KANSL1L: variants seen among roughly 807,000 people sequenced by gnomAD.
The protein encoded by KANSL1L is KAT8 regulatory NSL complex subunit 1 like, also known as KAT8 regulatory NSL complex subunit 1-like protein.
KANSL1L carries 25 observed loss-of-function variants against 108.6 expected under a neutral mutation model. The observed-to-expected ratio is 0.23, with a 90% CI of 0.17 to 0.32. The LOEUF is 0.32. Among genes scored for constraint, KANSL1L ranks in the 10% least tolerant of loss-of-function variants. KANSL1L has a pLI of 1.00. For synonymous variants in KANSL1L, 405 were observed against 395.1 expected, an observed-to-expected ratio of 1.03 and a Z score of -0.30; for missense variants, 1,137 against 1,125.7, an observed-to-expected ratio of 1.01 and a Z score of -0.14.
intron 3 of KANSL1L, among the ~76,000 whole-genome samples, chr2:210,119,917 C>A (rs2094997993): frequency 6.6e-6 from 1 of 152,070 alleles, no homozygotes; most frequent in Non-Finnish European, 1.5e-5. Context: ...TCAGGCTACC[C>A]AACTTCAAAC....
rs538153498 is a variant in KANSL1L at position 210,040,673 on chromosome 2, C to T, written c.1922-146G>A. ...CAAAAGTTTGAGATGTAACAACTAT[C>T]GGAAGTGACAAAATACTCTTTCCAA... is the stretch of plus-strand genomic sequence containing the variant. On this transcript the variant is annotated intron_variant, in intron 7 of 14. Coordinates refer to ENST00000281772, the MANE Select transcript of KANSL1L (RefSeq NM_152519.4). The T allele has an allele frequency of 3.1e-4, 147 of 478,694 alleles. 1 individual carries two copies. Among genetic ancestry groups the T allele is most frequent in the South Asian group, 3.0e-3 (64 of 21,302 alleles). 29.7% of individuals were successfully genotyped at this position (478,694 alleles called of 1,614,324 possible). A position where few individuals can be genotyped will look rare whatever the true frequency, so the allele number is the denominator to read the frequency against.
In KANSL1L at chr2:210,022,896, T is replaced by C; in HGVS notation, c.*53A>G. ...GGGATGGGGGATCCAGAACAGGGCT[T>C]TATTTCCTCCCATCTTTCCTACATT... On this transcript the variant is annotated 3_prime_UTR_variant, in exon 15 of 15. Coordinates refer to ENST00000281772, the MANE Select transcript of KANSL1L (RefSeq NM_152519.4). 7.8e-7 allele frequency: 1 copy of C among 1,279,992 alleles called. No individual in the cohort carries two copies. 79.3% of individuals were successfully genotyped at this position (1,279,992 alleles called of 1,614,324 possible).
chr2:210,079,290 A>G (rs2094564090), intron 5 of KANSL1L, among the ~76,000 whole-genome samples: 1 of 152,094 alleles, frequency 6.6e-6, no homozygotes, highest in Admixed American at 6.6e-5. Flanking sequence ...ATTGTTGTAG[A>G]ATAATTATCA....
intron 8 of KANSL1L, among the ~76,000 whole-genome samples, chr2:210,033,342 G>C (rs1166892672): frequency 6.6e-6 from 1 of 152,210 alleles, no homozygotes; most frequent in African/African-American, 2.4e-5. Flanking sequence ...CTAGAATTGT[G>C]AGAGGTGGAT....
At chr2:210,106,514 A>G (rs1227306072) in intron 3 of KANSL1L, among the ~76,000 whole-genome samples, 3 of 151,932 alleles carry the variant, frequency 2.0e-5, no homozygotes, top group African/African-American at 7.3e-5. Flanking sequence ...TACGCCTGTA[A>G]TCCTAGCACT....
chr2:210,133,802 C>T (rs2095149103), intron 2 of KANSL1L, among the ~76,000 whole-genome samples: 1 of 152,080 alleles, frequency 6.6e-6, no homozygotes, highest in South Asian at 2.1e-4. Context: ...CTTCTTCATC[C>T]ACGAGTTATT....
At chr2:210,095,411 C>G (rs1454131399) in intron 5 of KANSL1L, among the ~76,000 whole-genome samples, 4 of 152,064 alleles carry the variant, frequency 2.6e-5, no homozygotes, top group African/African-American at 9.7e-5. Context: ...TTGCCAAAGT[C>G]TCAACACATT....
Position 210,036,960 on chromosome 2 carries a change from T to C in KANSL1L, c.2029+3460A>G, listed in dbSNP as rs551990781. 8.6e-5 allele frequency among the ~76,000 whole-genome samples: 13 copies of C among 151,714 alleles called. No homozygotes were observed. The South Asian group carries it at 2.7e-3, about 32-fold the overall frequency. On this transcript the variant is annotated intron_variant, in intron 8 of 14. Transcript: ENST00000281772. The stretch of plus-strand genomic sequence containing the variant: ...TTTGTAGAGATGGGGTTTCACTATA[T>C]TTCCCAGGCTGGTCTTGAACTCTGG...
In KANSL1L at chr2:210,024,144, G is replaced by C; in HGVS notation, c.2622C>G (p.Asn874Lys). 6.2e-7 allele frequency: 1 copy of C among 1,610,022 alleles called. No individual in the cohort carries two copies. The highest frequency in any genetic ancestry group is 1.1e-5 in the South Asian group (1 of 90,462). ...QDLLLKEYPN[N>K]FSSSQQCAAA... is the part of the protein sequence containing the mutation. ...CAGCACATTGCTGACTGCTACTGAA[G>C]TTATTAGGGTATTCTTTCAAAAGCA... The change falls in exon 14 of 15, where the codon AAC becomes AAG. Residue 874 changes from asparagine to lysine, a missense_variant. Asn to Lys is a moderately conservative substitution (Grantham distance 94). Coordinates refer to ENST00000281772, the MANE Select transcript of KANSL1L (RefSeq NM_152519.4).
intron 6 of KANSL1L, among the ~76,000 whole-genome samples, chr2:210,068,801 T>A (rs1401147595): frequency 6.6e-6 from 1 of 152,202 alleles, no homozygotes; most frequent in East Asian, 1.9e-4. Flanking sequence ...AGGGAATCCA[T>A]GTCATTAAGA....
chr2:210,119,715 C>A (rs111372903), intron 3 of KANSL1L, among the ~76,000 whole-genome samples: 1 of 152,092 alleles, frequency 6.6e-6, no homozygotes, highest in Admixed American at 6.5e-5. Flanking sequence ...ATATGATAGA[C>A]CCACAGCTAG....
rs754635658 is a variant in KANSL1L, at chr2:210,075,733, A to G, written c.1574T>C (p.Leu525Pro). 6.2e-7 allele frequency: 1 copy of G among 1,613,890 alleles called. No individual in the cohort carries two copies. Among genetic ancestry groups the G allele is most frequent in the East Asian group, 2.2e-5 (1 of 44,870 alleles). ...YRSASENLDE[L>P]SSSSSWLLNQ... ...AAGTAACCAGCTACTGGAGGAAGAC[A>G]GCTCATCTAAATTCTCTGATGCACT... Residue 525 changes from leucine to proline, a missense_variant, in exon 6 of 15, where the codon CTG becomes CCG. Leu to Pro is a moderately conservative substitution (Grantham distance 98). Around this residue, in one of 3 missense-constraint regions of KANSL1L, gnomAD observed 575 missense variants for 567.1 expected, o/e 1.01. Transcript: ENST00000281772.
At chr2:210,086,001 TAACA>T (rs2094634140) in intron 5 of KANSL1L, among the ~76,000 whole-genome samples, 1 of 151,556 alleles carries the variant, frequency 6.6e-6, no homozygotes, top group African/African-American at 2.4e-5. Context: ...AATATGCTTC[TAACA>T]AACAATGTTT....
intron 3 of KANSL1L, among the ~76,000 whole-genome samples, chr2:210,126,790 C>T (rs1216931453): frequency 5.9e-5 from 9 of 152,152 alleles, no homozygotes; most frequent in Non-Finnish European, 2.9e-5. Flanking sequence ...TGCACTCCAG[C>T]CTTGGCAACA....
chr2:210,075,961 A>G (rs2094539171), intron 5 of KANSL1L, among the ~76,000 whole-genome samples: 4 of 152,188 alleles, frequency 2.6e-5, no homozygotes, highest in South Asian at 2.1e-4. Flanking sequence ...CCATCTTTAC[A>G]TCTATTTTCT....
intron 1 of KANSL1L, among the ~76,000 whole-genome samples, chr2:210,160,184 T>C (rs747034966): frequency 6.6e-5 from 10 of 152,234 alleles, no homozygotes; most frequent in Non-Finnish European, 1.3e-4. Context: ...AGGGAATGTC[T>C]TTAATCTGAT....
intron 5 of KANSL1L, chr2:210,088,261 G>A (rs2094657762): frequency 6.6e-6 from 1 of 152,334 alleles, no homozygotes; most frequent in African/African-American, 2.4e-5. Flanking sequence ...CGGATACTAA[G>A]GAGAAGAAGC....
chr2:210,029,875 T>C lies in KANSL1L; in HGVS notation c.2199A>G (p.Glu733=), dbSNP rs1027708404. ...KLEESDFQHT[E]SGSHSNFTAV... ...CAGTAAAATTGCTATGGGATCCTGATTCTGTGTGTTGAAAATCAGATTCTT... is the reference window on the plus strand; with the variant it reads ...CAGTAAAATTGCTATGGGATCCTGACTCTGTGTGTTGAAAATCAGATTCTT... Residue 733 remains glutamate (E), a synonymous_variant, in exon 10 of 15, where the codon GAA becomes GAG. Coordinates refer to ENST00000281772, the MANE Select transcript of KANSL1L (RefSeq NM_152519.4). The C allele has an allele frequency of 6.2e-7, 1 of 1,606,580 alleles. No homozygotes were observed. Among genetic ancestry groups the C allele is most frequent in the East Asian group, 2.2e-5 (1 of 44,636 alleles).
chr2:210,031,348 G>C, intron 9 of KANSL1L, 73 bp downstream of exon 9: 1 of 1,024,392 alleles, frequency 9.8e-7, no homozygotes, highest in Non-Finnish European at 1.5e-6. Flanking sequence ...ACTCCCATGA[G>C]AGGTTATTTT....
Sources: gnomAD v4.1 joint callset for allele counts (sites outside exome capture counted in the v4.1 genomes callset) on GRCh38, gnomAD v4.1.1 for gene constraint, gnomAD v4.1.1 regional missense constraint, MANE v1.5 for transcripts, NCBI Gene and HGNC (gene_info 2026-07-23, HGNC 2026-07-21) for gene names.